CEPT1: variants seen among roughly 807,000 people sequenced by gnomAD.
CEPT1 encodes the protein choline/ethanolamine phosphotransferase 1.
In CEPT1, 7 loss-of-function variants were observed where a neutral mutation model predicts 42.6. The ratio of observed to expected loss-of-function variants is 0.16; its 90% CI spans 0.09 to 0.31. The LOEUF (loss-of-function observed/expected upper bound fraction) is 0.31. CEPT1 is among the 10% of genes least tolerant of loss of function. The pLI is 1.00. For missense variants in CEPT1, 306 were observed against 502.1 expected (o/e 0.61, Z 3.73); for synonymous variants, 171 against 171.9 (o/e 0.99, Z 0.04).
chr1:111,159,411 G>A lies in CEPT1; in HGVS notation c.371G>A (p.Cys124Tyr). 1 of 1,612,588 alleles carries A rather than the reference G, an allele frequency of 6.2e-7. No homozygotes were observed. Among genetic ancestry groups the A allele is most frequent in the Non-Finnish European group, 8.5e-7 (1 of 1,179,566 alleles). The stretch of plus-strand genomic sequence containing the variant: ...CTGTGGGCATATATTGCTTGTGCCT[G>A]TGGCCTTTTCATTTACCAGTCTTTG... ...APLWAYIACA[C>Y]GLFIYQSLDA... Residue 124 changes from cysteine to tyrosine, a missense_variant, in exon 3 of 9, where the codon TGT (cysteine) becomes TAT (tyrosine). By Grantham distance (194) the Cys-to-Tyr change is radical (BLOSUM62 -2). Coordinates refer to ENST00000357172, the MANE Select transcript of CEPT1 (RefSeq NM_006090.5).
chr1:111,146,502 T>C (rs1273056529), intron 1 of CEPT1, among the ~76,000 whole-genome samples: 5 of 152,224 alleles, frequency 3.3e-5, no homozygotes, highest in Non-Finnish European at 5.9e-5. Flanking sequence ...TACTTTCTGC[T>C]GAATCTTCCA....
intron 1 of CEPT1, among the ~76,000 whole-genome samples, chr1:111,144,573 T>A (rs1654850245): frequency 6.6e-6 from 1 of 152,206 alleles, no homozygotes; most frequent in Non-Finnish European, 1.5e-5. Flanking sequence ...AGGGAAAGTA[T>A]CAGTTTATCA....
chr1:111,183,406 G>A (rs1045796806), intron 7 of CEPT1, 56 bp from the exon 8 acceptor site: 3 of 1,575,918 alleles, frequency 1.9e-6, no homozygotes, highest in African/African-American at 1.3e-5. Flanking sequence ...GATTTACTGT[G>A]TAGTTCACAA....
At chr1:111,179,271 G>A (rs958686715) in intron 5 of CEPT1, 4 of 152,036 alleles carry the variant, frequency 2.6e-5, no homozygotes, top group African/African-American at 9.7e-5. Context: ...GTTATTATTT[G>A]GATGCATACC....
intron 1 of CEPT1, among the ~76,000 whole-genome samples, chr1:111,140,843 A>G (rs1654473097): frequency 6.6e-6 from 1 of 152,184 alleles, no homozygotes; most frequent in South Asian, 2.1e-4. Flanking sequence ...TTCAGCCTAT[A>G]TTGATAAGCT....
In CEPT1 at chr1:111,184,499, A is replaced by G; in HGVS notation, c.*189A>G. On this transcript the variant is annotated 3_prime_UTR_variant, in exon 9 of 9. Transcript: ENST00000357172. The stretch of plus-strand genomic sequence containing the variant: ...TGGGAATTTCAAGTCCCATCTTGTA[A>G]ATTGTATATGTTGTCATGCAGGGTT... The G allele has an allele frequency of 4.2e-6, 2 of 472,704 alleles. No homozygotes were observed. The highest frequency in any genetic ancestry group is 7.4e-6 in the Non-Finnish European group (2 of 270,350). The allele number at this position is 472,704 out of a possible 1,614,324, so 29.3% of individuals were successfully genotyped here.
At chr1:111,154,109 C>T (rs1199367809) in intron 2 of CEPT1, among the ~76,000 whole-genome samples, 3 of 151,656 alleles carry the variant, frequency 2.0e-5, no homozygotes, top group Non-Finnish European at 2.9e-5. Flanking sequence ...TGTATATGTC[C>T]TCCTCAGTTT....
chr1:111,142,511 C>T (rs1332582723), intron 1 of CEPT1, among the ~76,000 whole-genome samples: 1 of 152,102 alleles, frequency 6.6e-6, no homozygotes, highest in Non-Finnish European at 1.5e-5. Flanking sequence ...TACCTACTAG[C>T]AGGGTGTGGT....
intron 1 of CEPT1, 140 bp downstream of exon 1, chr1:111,140,447 T>A (rs2101188567): frequency 6.6e-6 from 1 of 152,560 alleles, no homozygotes; most frequent in East Asian, 1.9e-4. Flanking sequence ...ACGCCGTCCT[T>A]CTTCCTGGCG....
At chr1:111,155,315 A>T (rs1237626633) in intron 2 of CEPT1, among the ~76,000 whole-genome samples, 1 of 151,956 alleles carries the variant, frequency 6.6e-6, no homozygotes, top group Admixed American at 6.6e-5. Flanking sequence ...CTGTGGTATC[A>T]GTTGTAATGC....
At chr1:111,178,010 C>T (rs1186551330) in intron 5 of CEPT1, among the ~76,000 whole-genome samples, 1 of 152,040 alleles carries the variant, frequency 6.6e-6, no homozygotes, top group Non-Finnish European at 1.5e-5. Flanking sequence ...CATAATTGAC[C>T]CCAGATCACT....
intron 5 of CEPT1, among the ~76,000 whole-genome samples, chr1:111,175,503 G>A (rs1228635073): frequency 6.6e-6 from 1 of 152,120 alleles, no homozygotes; most frequent in African/African-American, 2.4e-5. Context: ...AACCTCTGAG[G>A]TAGGGAGTAA....
At chr1:111,167,117 C>G in intron 4 of CEPT1, 4 of 985,198 alleles carry the variant, frequency 4.1e-6, no homozygotes, top group Non-Finnish European at 4.8e-6. Flanking sequence ...TTCGATGTTA[C>G]AGAGTCCCAG....
intron 1 of CEPT1, among the ~76,000 whole-genome samples, chr1:111,144,464 C>G (rs987793713): frequency 6.6e-6 from 1 of 152,002 alleles, no homozygotes; most frequent in African/African-American, 2.4e-5. Context: ...AAATTTGTAC[C>G]GTGGGCTAGA....
chr1:111,152,774 G>A (rs1323230853), intron 2 of CEPT1, among the ~76,000 whole-genome samples: 1 of 152,040 alleles, frequency 6.6e-6, no homozygotes, highest in Non-Finnish European at 1.5e-5. Context: ...CTTTTTGTAT[G>A]TTTGAAATAG....
chr1:111,161,093 T>C, intron 3 of CEPT1, 62 bp from the exon 4 acceptor site: 1 of 1,567,628 alleles, frequency 6.4e-7, no homozygotes, highest in South Asian at 1.1e-5. Flanking sequence ...TCTAAAATCA[T>C]TTCCAGCTCA....
At chr1:111,170,768 C>T (rs1313301233) in intron 4 of CEPT1, among the ~76,000 whole-genome samples, 5 of 152,048 alleles carry the variant, frequency 3.3e-5, no homozygotes, top group African/African-American at 2.4e-5. Flanking sequence ...AGAATCTAGA[C>T]GTCTTCAAAT....
intron 4 of CEPT1, 49 bp from the exon 5 acceptor site, chr1:111,174,830 G>T: frequency 8.8e-7 from 1 of 1,141,028 alleles, no homozygotes; most frequent in South Asian, 1.2e-5. Flanking sequence ...TAATTAACTT[G>T]AAATTGTTGT....
chr1:111,175,449 A>G (rs544528234), intron 5 of CEPT1, among the ~76,000 whole-genome samples: 12 of 152,262 alleles, frequency 7.9e-5, no homozygotes, highest in African/African-American at 2.4e-4. Context: ...TTCCAGGTCT[A>G]CCTGAAATAT....
Sources: gnomAD v4.1 joint callset for allele counts (sites outside exome capture counted in the v4.1 genomes callset) on GRCh38, gnomAD v4.1.1 for gene constraint, MANE v1.5 for transcripts, NCBI Gene and HGNC (gene_info 2026-07-23, HGNC 2026-07-21) for gene names.